Variants in DAB1 observed in about 807,000 individuals in gnomAD.
The protein encoded by DAB1 is disabled homolog 1.
In DAB1, 15 loss-of-function variants were observed where a neutral mutation model predicts 64.6. That is an observed-to-expected ratio of 0.23 (90% CI 0.16 to 0.36). DAB1 has a LOEUF of 0.36. DAB1 is among the 10% of genes least tolerant of loss of function. The probability of loss-of-function intolerance (pLI) is 1.00; values close to 1 mark genes in which losing one functional copy is unlikely to be tolerated. For missense variants in DAB1, 596 were observed against 706.7 expected (o/e 0.84, Z 1.78); for synonymous variants, 235 against 251.9 (o/e 0.93, Z 0.64).
intron 2 of DAB1, among the ~76,000 whole-genome samples, chr1:57,170,002 T>TTC (rs1238134248): frequency 4.8e-5 from 4 of 82,578 alleles, no homozygotes; most frequent in Admixed American, 2.1e-4. Flanking sequence ...CTTTCTTTCT[T>TTC]TTTTTTTTTT....
chr1:57,122,259 A>G (rs1656733160), intron 4 of DAB1, among the ~76,000 whole-genome samples: 1 of 152,174 alleles, frequency 6.6e-6, no homozygotes, highest in African/African-American at 2.4e-5. Context: ...TCTCTGATTC[A>G]TCTTCATATC....
intron 7 of DAB1, among the ~76,000 whole-genome samples, chr1:57,502,476 A>C (rs535497066): frequency 6.6e-6 from 1 of 152,260 alleles, no homozygotes; most frequent in East Asian, 1.9e-4. Flanking sequence ...CACAGCACTT[A>C]ACCATCTCCA....
intron 2 of DAB1, among the ~76,000 whole-genome samples, chr1:57,193,417 C>G (rs1371691431): frequency 6.6e-5 from 7 of 105,766 alleles, no homozygotes. Flanking sequence ...GACAGAGTCT[C>G]GCTCTGTCAC....
intron 7 of DAB1, among the ~76,000 whole-genome samples, chr1:57,610,025 C>T (rs1285025399): frequency 3.9e-5 from 6 of 152,206 alleles, no homozygotes; most frequent in African/African-American, 1.4e-4. Flanking sequence ...CTAGAATCCT[C>T]TGCTGGCATG....
chr1:57,280,661 T>C (rs896066618), intron 2 of DAB1, among the ~76,000 whole-genome samples: 1 of 152,198 alleles, frequency 6.6e-6, no homozygotes, highest in Non-Finnish European at 1.5e-5. Flanking sequence ...GCAAATCTTA[T>C]AGCTCTTACT....
intron 4 of DAB1, among the ~76,000 whole-genome samples, chr1:58,225,414 G>A (rs1443501447): frequency 6.6e-5 from 10 of 151,804 alleles, no homozygotes; most frequent in African/African-American, 2.4e-4. Flanking sequence ...CGATTCCTCA[G>A]GGATCTAGAA....
chr1:57,160,518 T>C (rs1463325460), intron 2 of DAB1, among the ~76,000 whole-genome samples: 3 of 152,184 alleles, frequency 2.0e-5, no homozygotes, highest in African/African-American at 7.2e-5. Flanking sequence ...CAGATCTGAA[T>C]CCACAGTCAT....
At chr1:58,165,470 T>C (rs1370617077) in intron 4 of DAB1, among the ~76,000 whole-genome samples, 1 of 152,174 alleles carries the variant, frequency 6.6e-6, no homozygotes, top group East Asian at 1.9e-4. Flanking sequence ...TCGCTCCCTC[T>C]ACCTGACAGG....
chr1:58,379,068 C>G (rs1192607278), intron 3 of DAB1, among the ~76,000 whole-genome samples: 2 of 151,774 alleles, frequency 1.3e-5, no homozygotes, highest in Admixed American at 6.5e-5. Flanking sequence ...CACTGGCCTG[C>G]GCCCACTGTC....
At chr1:57,946,617 T>C (rs1035130015) in intron 5 of DAB1, among the ~76,000 whole-genome samples, 3 of 152,260 alleles carry the variant, frequency 2.0e-5, no homozygotes, top group East Asian at 1.9e-4. Context: ...TGCGGTCTGA[T>C]ATATATATTC....
At chr1:57,787,461 C>T (rs935969616) in intron 6 of DAB1, among the ~76,000 whole-genome samples, 1 of 151,752 alleles carries the variant, frequency 6.6e-6, no homozygotes, top group Non-Finnish European at 1.5e-5. Flanking sequence ...CAATTAGATG[C>T]CCATTTGCAA....
intron 5 of DAB1, among the ~76,000 whole-genome samples, chr1:58,015,250 ATCTGGCCTTAGGCATCCC>A (rs1410593140): frequency 1.3e-5 from 2 of 152,010 alleles, no homozygotes; most frequent in African/African-American, 4.8e-5. Context: ...TCTGCATCCC[ATCTGGCCTTAGGCATCCC>A]TCATGGTTTA....
chr1:57,447,834 T>G lies in DAB1; in HGVS notation n.626-156668A>C, dbSNP rs571342710. On this transcript the variant is annotated intron_variant and non_coding_transcript_variant, in intron 7 of 20. Transcript: ENST00000485760. Reference sequence around the variant, plus strand: ...TTAGGTTGTGGTCAGAGAGGAGTCATTGAAAGGCTCCTGGTGGAGAGGTGC... The same window carrying G: ...TTAGGTTGTGGTCAGAGAGGAGTCAGTGAAAGGCTCCTGGTGGAGAGGTGC... 2.0e-5 allele frequency among the ~76,000 whole-genome samples: 3 copies of G among 152,248 alleles called. No homozygotes were observed. The South Asian group carries it at 6.2e-4, about 32-fold the overall frequency.
At chr1:57,352,082 A>G (rs1337876304) in intron 1 of DAB1, among the ~76,000 whole-genome samples, 1 of 152,194 alleles carries the variant, frequency 6.6e-6, no homozygotes, top group African/African-American at 2.4e-5. Context: ...TCAAAGAAGG[A>G]AGAAAACATA....
chr1:57,436,125 C>G (rs1685686560), intron 7 of DAB1, among the ~76,000 whole-genome samples: 1 of 152,062 alleles, frequency 6.6e-6, no homozygotes, highest in Non-Finnish European at 1.5e-5. Flanking sequence ...CCGTATTAGT[C>G]AGGCTGGTCT....
At chr1:57,052,084 C>A (rs1649242689) in intron 9 of DAB1, among the ~76,000 whole-genome samples, 1 of 124,532 alleles carries the variant, frequency 8.0e-6, no homozygotes, top group African/African-American at 3.0e-5. Flanking sequence ...TCTTTAAACA[C>A]CAGTTTCTTT....
intron 3 of DAB1, among the ~76,000 whole-genome samples, chr1:58,487,273 C>T (rs1645592278): frequency 6.6e-6 from 1 of 152,184 alleles, no homozygotes; most frequent in African/African-American, 2.4e-5. Flanking sequence ...GAAAGAGGAA[C>T]TGAAGATGAG....
At chr1:58,019,096 G>C (rs1646781607) in intron 5 of DAB1, among the ~76,000 whole-genome samples, 1 of 152,140 alleles carries the variant, frequency 6.6e-6, no homozygotes, top group African/African-American at 2.4e-5. Flanking sequence ...TTTATAAAAT[G>C]AATGGCCCAG....
chr1:57,888,191 C>T (rs1644254841), upstream of DAB1, among the ~76,000 whole-genome samples: 1 of 152,138 alleles, frequency 6.6e-6, no homozygotes, highest in African/African-American at 2.4e-5. Flanking sequence ...TCATATAAGG[C>T]TGAGGAAATT....
Sources: allele counts gnomAD v4.1 joint callset (sites outside exome capture counted in the v4.1 genomes callset), GRCh38; gene constraint gnomAD v4.1.1; transcripts MANE v1.5; gene names NCBI Gene and HGNC (gene_info 2026-07-23, HGNC 2026-07-21).